The following CNTNAP5 variants were observed in gnomAD, a reference collection of about 807,000 sequenced individuals.
CNTNAP5 encodes contactin-associated protein-like 5.
Under a neutral mutation model 150.2 loss-of-function variants are expected in CNTNAP5, and 72 were observed. The ratio of observed to expected loss-of-function variants is 0.48; its 90% CI spans 0.40 to 0.58. CNTNAP5 has a LOEUF of 0.58. CNTNAP5 is among the 20% of genes least tolerant of loss of function. The probability of loss-of-function intolerance (pLI) is 0.00; values close to 1 mark genes in which losing one functional copy is unlikely to be tolerated. For synonymous variants in CNTNAP5, 672 were observed against 619.8 expected (o/e 1.08, Z -1.25); for missense variants, 1,636 against 1,626.2 (o/e 1.01, Z -0.10).
intron 17 of CNTNAP5, among the ~76,000 whole-genome samples, chr2:124,785,057 A>T (rs1681536030): frequency 6.7e-6 from 1 of 148,938 alleles, no homozygotes; most frequent in African/African-American, 2.5e-5. Context: ...AAAAAAAAAA[A>T]CAAAAGAAAA....
At chr2:124,792,990 G>T (rs1681768855) in intron 18 of CNTNAP5, among the ~76,000 whole-genome samples, 1 of 152,148 alleles carries the variant, frequency 6.6e-6, no homozygotes, top group African/African-American at 2.4e-5. Flanking sequence ...ACATAACACT[G>T]CTATAAATAT....
chr2:124,201,797 T>C lies in CNTNAP5; in HGVS notation c.83-19908T>C, dbSNP rs543387388. Among the ~76,000 whole-genome samples the C allele has an allele frequency of 1.2e-3, 183 of 152,346 alleles. 1 individual carries two copies. The highest frequency in any genetic ancestry group is 4.0e-3 in the African/African-American group (168 of 41,586). The stretch of plus-strand genomic sequence containing the variant: ...TCAGAAGATGAGGATTTTGCATATA[T>C]AAATTTGTTCTCAAAAGTCTATGAT... On this transcript the variant is annotated intron_variant, in intron 1 of 23. Coordinates refer to ENST00000682447, the MANE Select transcript of CNTNAP5 (RefSeq NM_001367498.1).
chr2:124,311,334 CTCTT>C (rs1319765132), intron 3 of CNTNAP5, among the ~76,000 whole-genome samples: 1 of 152,174 alleles, frequency 6.6e-6, no homozygotes, highest in Non-Finnish European at 1.5e-5. Context: ...AGTGAGGCCT[CTCTT>C]TCTAGCTTGC....
chr2:124,233,072 A>G (rs1405290853), intron 2 of CNTNAP5, among the ~76,000 whole-genome samples: 1 of 151,560 alleles, frequency 6.6e-6, no homozygotes, highest in Non-Finnish European at 1.5e-5. Flanking sequence ...AAAGGATTAA[A>G]GGTAAAAATT....
chr2:124,288,433 G>T (rs1189006896), intron 3 of CNTNAP5, among the ~76,000 whole-genome samples: 2 of 152,158 alleles, frequency 1.3e-5, no homozygotes, highest in Non-Finnish European at 2.9e-5. Flanking sequence ...GGAATTGAAA[G>T]AGCCCAATCT....
At chr2:124,451,054 AT>A (rs1692963046) in intron 6 of CNTNAP5, among the ~76,000 whole-genome samples, 9 of 43,766 alleles carry the variant, frequency 2.1e-4, no homozygotes, top group South Asian at 2.4e-3. Context: ...AAAAAAAAAT[AT>A]ATATATATAT....
At chr2:124,899,916 G>A (rs903363945) in intron 21 of CNTNAP5, among the ~76,000 whole-genome samples, 3 of 150,944 alleles carry the variant, frequency 2.0e-5, no homozygotes, top group Admixed American at 2.0e-4. Context: ...GCTTTCCTTA[G>A]TTTTTGCAAC....
intron 3 of CNTNAP5, among the ~76,000 whole-genome samples, chr2:124,402,099 C>T (rs1252018858): frequency 2.0e-5 from 3 of 152,150 alleles, no homozygotes; most frequent in Admixed American, 6.6e-5. Flanking sequence ...AAATAACTTT[C>T]ACAGGGGTAA....
intron 10 of CNTNAP5, among the ~76,000 whole-genome samples, chr2:124,551,469 G>A (rs1007389222): frequency 5.9e-5 from 9 of 152,140 alleles, no homozygotes; most frequent in Admixed American, 2.0e-4. Context: ...TGACCAAAAC[G>A]AGATCAATGC....
chr2:124,531,260 G>A (rs1695100191), intron 10 of CNTNAP5, among the ~76,000 whole-genome samples: 2 of 152,170 alleles, frequency 1.3e-5, no homozygotes, highest in East Asian at 1.9e-4. Flanking sequence ...GATAAGAGGA[G>A]GAGCTTAGGC....
chr2:124,333,722 G>T (rs907621717), intron 3 of CNTNAP5, among the ~76,000 whole-genome samples: 2 of 152,016 alleles, frequency 1.3e-5, no homozygotes, highest in African/African-American at 4.8e-5. Context: ...TGATTTCAAG[G>T]CAGAGCCCGG....
chr2:124,654,594 T>C (rs571030480), intron 13 of CNTNAP5, among the ~76,000 whole-genome samples: 13 of 152,292 alleles, frequency 8.5e-5, no homozygotes, highest in African/African-American at 3.1e-4. Context: ...TTTGGCTACT[T>C]CACCCGCTAT....
intron 1 of CNTNAP5, among the ~76,000 whole-genome samples, chr2:124,060,266 C>T (rs993205347): frequency 3.3e-5 from 5 of 152,172 alleles, no homozygotes; most frequent in African/African-American, 7.2e-5. Flanking sequence ...ATTAATAAGG[C>T]TAGGCAGTTC....
chr2:124,630,943 G>C (rs972935663), intron 12 of CNTNAP5, among the ~76,000 whole-genome samples: 1 of 152,058 alleles, frequency 6.6e-6, no homozygotes, highest in South Asian at 2.1e-4. Context: ...GACAAGCAGA[G>C]AGTCAAATCA....
At chr2:124,315,484 T>G (rs1057046993) in intron 3 of CNTNAP5, among the ~76,000 whole-genome samples, 3 of 152,204 alleles carry the variant, frequency 2.0e-5, no homozygotes, top group African/African-American at 7.2e-5. Context: ...ACAAGGCTTC[T>G]GCTCGGCTAT....
chr2:124,558,409 G>T (rs1286414943), intron 10 of CNTNAP5, among the ~76,000 whole-genome samples: 1 of 21,630 alleles, frequency 4.6e-5, no homozygotes, highest in African/African-American at 1.2e-4. Context: ...GGTGGGGGCA[G>T]GGTGAAGGAG....
At chr2:124,546,364 ATGTGTG>A (rs144497613) in intron 10 of CNTNAP5, among the ~76,000 whole-genome samples, 5 of 150,506 alleles carry the variant, frequency 3.3e-5, no homozygotes, top group Admixed American at 2.0e-4. Context: ...GGATTTCTCA[ATGTGTG>A]TGTGTGTGTG....
intron 1 of CNTNAP5, among the ~76,000 whole-genome samples, chr2:124,118,090 A>C (rs1421499767): frequency 6.6e-6 from 1 of 152,092 alleles, no homozygotes; most frequent in Non-Finnish European, 1.5e-5. Context: ...TTTTTAAATG[A>C]CACTATTCTT....
Position 124,563,331 on chromosome 2 carries a change from G to T in CNTNAP5, c.1756+8G>T, listed in dbSNP as rs779593871. On this transcript the variant is annotated splice_region_variant and intron_variant, in intron 11 of 23. Transcript: ENST00000682447. ...GTGCCACCTGCCACAACTGTGAGTA[G>T]ATTGATCATTTGCCCCTGGTGGCTT... The T allele has an allele frequency of 1.3e-6, 2 of 1,529,370 alleles. No individual in the cohort carries two copies. The highest frequency in any genetic ancestry group is 2.4e-5 in the South Asian group (2 of 83,358). The allele number at this position is 1,529,370 out of a possible 1,614,324, so 94.7% of individuals were successfully genotyped here.
Sources: allele counts gnomAD v4.1 joint callset (sites outside exome capture counted in the v4.1 genomes callset), GRCh38; gene constraint gnomAD v4.1.1; transcripts MANE v1.5; gene names NCBI Gene and HGNC (gene_info 2026-07-23, HGNC 2026-07-21).